SPIN1: variants seen among roughly 807,000 people sequenced by gnomAD.
SPIN1 encodes spindlin-1.
Under a neutral mutation model 26.0 loss-of-function variants are expected in SPIN1, and 3 were observed. The ratio of observed to expected loss-of-function variants is 0.12; its 90% CI spans 0.05 to 0.30. The LOEUF is 0.30. SPIN1 is among the 10% of genes least tolerant of loss of function. SPIN1 has a pLI of 1.00. For missense variants in SPIN1, 126 were observed against 333.4 expected (o/e 0.38, Z 4.84); for synonymous variants, 101 against 116.5 (o/e 0.87, Z 0.86).
intron 1 of SPIN1, among the ~76,000 whole-genome samples, chr9:88,416,244 C>T (rs1827561823): frequency 6.6e-6 from 1 of 152,164 alleles, no homozygotes; most frequent in Non-Finnish European, 1.5e-5. Flanking sequence ...TCAGGAATTG[C>T]AGATATTTTG....
chr9:88,426,475 A>G lies in SPIN1; in HGVS notation c.-65A>G. On this transcript the variant is annotated 5_prime_UTR_variant, in exon 2 of 6. Coordinates refer to ENST00000375859, the MANE Select transcript of SPIN1 (RefSeq NM_006717.3). ...ACACTAACATTCTGTGAAAAGTTTC[A>G]AATTGGAGAATATTGAATTTTCACC... 2 of 1,372,962 alleles carry G rather than the reference A, an allele frequency of 1.5e-6. No homozygotes were observed. The highest frequency in any genetic ancestry group is 2.4e-5 in the South Asian group (2 of 81,978). The allele number at this position is 1,372,962 out of a possible 1,614,324, so 85.0% of individuals were successfully genotyped here.
At position 88,416,992 on chromosome 9, in the gene SPIN1, T is replaced by A. The variant is rs899351116; in HGVS notation, c.-158-9390T>A. On this transcript the variant is annotated intron_variant, in intron 1 of 5. Coordinates refer to ENST00000375859, the MANE Select transcript of SPIN1 (RefSeq NM_006717.3). The stretch of plus-strand genomic sequence containing the variant: ...AATGACCTAACCTGTCTACCTGATA[T>A]CAAGATTTTAATTTGCTTACATTTT... Among the ~76,000 whole-genome samples, 5 of 152,236 alleles carry A rather than the reference T, an allele frequency of 3.3e-5. No individual in the cohort carries two copies. The East Asian group carries it at 7.7e-4, about 23-fold the overall frequency.
chr9:88,394,048 C>G (rs1205160176), intron 1 of SPIN1, among the ~76,000 whole-genome samples: 4 of 152,082 alleles, frequency 2.6e-5, no homozygotes, highest in Non-Finnish European at 5.9e-5. Context: ...GGGGTTTTAC[C>G]TTGTTGGTCC....
At chr9:88,433,263 TG>T (rs1327200225) in intron 2 of SPIN1, among the ~76,000 whole-genome samples, 1 of 151,316 alleles carries the variant, frequency 6.6e-6, no homozygotes, top group Non-Finnish European at 1.5e-5. Context: ...TGTATTTTTT[TG>T]TAGAGATGGG....
At chr9:88,409,200 G>C (rs1162176917) in intron 1 of SPIN1, among the ~76,000 whole-genome samples, 5 of 147,778 alleles carry the variant, frequency 3.4e-5, no homozygotes, top group Non-Finnish European at 4.5e-5. Context: ...TTTTCATGTT[G>C]ATCAGGCTGG....
intron 1 of SPIN1, among the ~76,000 whole-genome samples, chr9:88,414,384 A>G (rs1827518715): frequency 1.3e-5 from 2 of 152,212 alleles, no homozygotes; most frequent in Admixed American, 6.5e-5. Flanking sequence ...CTAGGTGCTC[A>G]CCATGAATCA....
chr9:88,433,853 A>G (rs3793635), intron 2 of SPIN1, among the ~76,000 whole-genome samples: 29,196 of 152,098 alleles, frequency 0.19, 3,700 homozygotes, highest in African/African-American at 0.36. Context: ...AATGTCATCC[A>G]TAAGTTCTTG....
intron 2 of SPIN1, among the ~76,000 whole-genome samples, chr9:88,437,108 C>A (rs1471284734): frequency 1.3e-5 from 2 of 151,718 alleles, no homozygotes; most frequent in Non-Finnish European, 2.9e-5. Context: ...TTCTTTTTAT[C>A]ACCAAATAAT....
chr9:88,397,839 G>T (rs542619463), intron 1 of SPIN1, among the ~76,000 whole-genome samples: 1 of 151,156 alleles, frequency 6.6e-6, no homozygotes, highest in East Asian at 2.0e-4. Flanking sequence ...GGCCAGACTG[G>T]TCGCCATCTC....
Position 88,475,420 on chromosome 9 carries a change from T to C in SPIN1, c.*143T>C. 1.3e-6 allele frequency: 1 copy of C among 769,862 alleles called. No individual in the cohort carries two copies. The highest frequency in any genetic ancestry group is 2.1e-6 in the Non-Finnish European group (1 of 487,776). 47.7% of individuals were successfully genotyped at this position (769,862 alleles called of 1,614,324 possible). A position where few individuals can be genotyped will look rare whatever the true frequency, so the allele number is the denominator to read the frequency against. ...TCTGCCAGCAGAACTGGTTTTGTTCTGAATAGTACAGATTGATGTGAACAC... is the reference window on the plus strand; with the variant it reads ...TCTGCCAGCAGAACTGGTTTTGTTCCGAATAGTACAGATTGATGTGAACAC... On this transcript the variant is annotated 3_prime_UTR_variant, in exon 6 of 6. Coordinates refer to ENST00000375859, the MANE Select transcript of SPIN1 (RefSeq NM_006717.3).
chr9:88,417,836 T>C (rs1411674593), intron 1 of SPIN1, among the ~76,000 whole-genome samples: 1 of 152,220 alleles, frequency 6.6e-6, no homozygotes, highest in Non-Finnish European at 1.5e-5. Context: ...CTGTGATTCC[T>C]CTTTCAAAGA....
intron 1 of SPIN1, among the ~76,000 whole-genome samples, chr9:88,395,088 G>A (rs947291715): frequency 6.6e-6 from 1 of 151,954 alleles, no homozygotes; most frequent in African/African-American, 2.4e-5. Flanking sequence ...GATTACAGGC[G>A]TGAGCCACCG....
At chr9:88,470,962 T>A (rs1354360633) in intron 5 of SPIN1, among the ~76,000 whole-genome samples, 1 of 152,206 alleles carries the variant, frequency 6.6e-6, no homozygotes, top group Non-Finnish European at 1.5e-5. Flanking sequence ...TTAAATTGAA[T>A]TATCTGTCTT....
intron 2 of SPIN1, among the ~76,000 whole-genome samples, chr9:88,427,012 A>G (rs1827776497): frequency 6.6e-6 from 1 of 152,198 alleles, no homozygotes; most frequent in Non-Finnish European, 1.5e-5. Context: ...AAATTTTAAT[A>G]AAAATTACAT....
chr9:88,461,407 T>G (rs1828574148), intron 3 of SPIN1, among the ~76,000 whole-genome samples: 1 of 152,206 alleles, frequency 6.6e-6, no homozygotes, highest in African/African-American at 2.4e-5. Flanking sequence ...GCTTCCCTTC[T>G]GCGGCGAGTA....
At chr9:88,432,428 T>C (rs1327132720) in intron 2 of SPIN1, among the ~76,000 whole-genome samples, 1 of 151,436 alleles carries the variant, frequency 6.6e-6, no homozygotes, top group South Asian at 2.1e-4. Flanking sequence ...CCTCAGGTGA[T>C]CCATCCACTT....
intron 2 of SPIN1, among the ~76,000 whole-genome samples, chr9:88,444,691 C>CTTTTT (rs1226379698): frequency 6.5e-4 from 80 of 122,980 alleles, no homozygotes; most frequent in Non-Finnish European, 8.8e-4. Flanking sequence ...CTTTTCTTTT[C>CTTTTT]TTTTTTTTTT....
intron 3 of SPIN1, among the ~76,000 whole-genome samples, chr9:88,450,916 C>T (rs11142303): frequency 1.3e-5 from 2 of 151,890 alleles, no homozygotes; most frequent in African/African-American, 2.4e-5. Context: ...CTGGTGGGGA[C>T]GCAGGCTCTC....
At chr9:88,455,966 C>A (rs1028209590) in intron 3 of SPIN1, among the ~76,000 whole-genome samples, 1 of 152,210 alleles carries the variant, frequency 6.6e-6, no homozygotes, top group Non-Finnish European at 1.5e-5. Flanking sequence ...AATTCTTTTT[C>A]ATGATTTTTA....
Sources: allele counts gnomAD v4.1 joint callset (sites outside exome capture counted in the v4.1 genomes callset), GRCh38; gene constraint gnomAD v4.1.1; transcripts MANE v1.5; gene names NCBI Gene and HGNC (gene_info 2026-07-23, HGNC 2026-07-21).